FERRY3: variants seen among roughly 807,000 people sequenced by gnomAD.
FERRY3 encodes protein C12orf4.
At chr12:4,518,189 T>C in the FERRY3 span, 3 of 1,614,180 alleles carry the variant, frequency 1.9e-6, no homozygotes, top group African/African-American at 4.0e-5. Flanking sequence ...ATTTCTTTTA[T>C]GCTTACAGAA....
At chr12:4,500,104 A>G in the FERRY3 span, 1 of 1,557,334 alleles carries the variant, frequency 6.4e-7, no homozygotes, top group Non-Finnish European at 8.9e-7. Flanking sequence ...GATTATGTAA[A>G]TCATAAAATT....
chr12:4,491,968 T>C, the FERRY3 span, among the ~76,000 whole-genome samples: 1 of 152,228 alleles, frequency 6.6e-6, no homozygotes, highest in Non-Finnish European at 1.5e-5. Flanking sequence ...TAGTCCCAGC[T>C]ACTTGAGAGG....
the FERRY3 span, among the ~76,000 whole-genome samples, chr12:4,499,362 A>C: frequency 1.3e-5 from 2 of 152,176 alleles, no homozygotes; most frequent in African/African-American, 4.8e-5. Flanking sequence ...GTAGCCCTTC[A>C]TCACCAAGTT....
chr12:4,496,019 G>A, the FERRY3 span, among the ~76,000 whole-genome samples: 17 of 152,140 alleles, frequency 1.1e-4, no homozygotes, highest in East Asian at 9.6e-4. Context: ...ACTTAGCAGC[G>A]TATGACTCTA....
the FERRY3 span, among the ~76,000 whole-genome samples, chr12:4,502,717 G>A: frequency 1.3e-5 from 2 of 152,140 alleles, no homozygotes; most frequent in Non-Finnish European, 2.9e-5. This position sits in a 1 kb window ranked among gnomAD's most constrained non-coding sequence, Gnocchi z 4.2. Context: ...TTAGCCCTAT[G>A]GTTAACATTT....
chr12:4,531,586 C>T, the FERRY3 span, among the ~76,000 whole-genome samples: 62 of 152,278 alleles, frequency 4.1e-4, no homozygotes, highest in African/African-American at 1.4e-3. Context: ...GGGACTGGGA[C>T]GGCTGAGAGG....
the FERRY3 span, among the ~76,000 whole-genome samples, chr12:4,501,973 A>T: frequency 6.6e-6 from 1 of 152,128 alleles, no homozygotes; most frequent in Non-Finnish European, 1.5e-5. Context: ...CACTCCAGTT[A>T]CATATGCTTT....
the FERRY3 span, chr12:4,538,469 T>G: frequency 1.7e-5 from 3 of 178,622 alleles, no homozygotes; most frequent in African/African-American, 7.1e-5. Flanking sequence ...CGTCCTGCAC[T>G]GGGAAACCAG....
At chr12:4,533,128 C>T in the FERRY3 span, among the ~76,000 whole-genome samples, 1 of 152,182 alleles carries the variant, frequency 6.6e-6, no homozygotes, top group African/African-American at 2.4e-5. Flanking sequence ...TCTCAACTTC[C>T]TGCTACCAAA....
chr12:4,528,896 TACACACACACAC>T, the FERRY3 span, among the ~76,000 whole-genome samples: 64 of 131,614 alleles, frequency 4.9e-4, no homozygotes, highest in Middle Eastern at 3.6e-3. Flanking sequence ...TTAAATCAGT[TACACACACACAC>T]ACACACACAC....
At chr12:4,510,189 T>C in the FERRY3 span, among the ~76,000 whole-genome samples, 95 of 141,418 alleles carry the variant, frequency 6.7e-4, no homozygotes, top group Admixed American at 1.1e-3. Context: ...AAGGGAAGTT[T>C]AGAGAAAAAA....
At chr12:4,534,388 A>G in the FERRY3 span, 3 of 1,396,128 alleles carry the variant, frequency 2.1e-6, no homozygotes, top group South Asian at 1.4e-5. Context: ...TCCAATGTGA[A>G]ATCTTATTGT....
the FERRY3 span, among the ~76,000 whole-genome samples, chr12:4,526,070 CAG>C: frequency 2.0e-5 from 3 of 152,266 alleles, no homozygotes; most frequent in East Asian, 1.9e-4. Flanking sequence ...ATAAAATTTA[CAG>C]AGAGACGTAA....
chr12:4,521,991 C>T, the FERRY3 span, among the ~76,000 whole-genome samples: 5 of 152,268 alleles, frequency 3.3e-5, no homozygotes, highest in African/African-American at 4.8e-5. Context: ...AGCAGATACA[C>T]GTCCTATACA....
chr12:4,533,188 C>T, the FERRY3 span, among the ~76,000 whole-genome samples: 1 of 152,160 alleles, frequency 6.6e-6, no homozygotes, highest in African/African-American at 2.4e-5. Flanking sequence ...TTCTCTTTGG[C>T]TGTAAGTGGA....
the FERRY3 span, among the ~76,000 whole-genome samples, chr12:4,499,335 G>A: frequency 6.6e-6 from 1 of 152,124 alleles, no homozygotes; most frequent in Non-Finnish European, 1.5e-5. Context: ...AAATAAGCAG[G>A]CACAGAGTTG....
the FERRY3 span, chr12:4,530,111 C>T: frequency 1.5e-5 from 22 of 1,473,454 alleles, no homozygotes; most frequent in Non-Finnish European, 1.8e-5. Context: ...TAACACACTA[C>T]TAGAAAAGTA....
chr12:4,522,254 T>C, the FERRY3 span, among the ~76,000 whole-genome samples: 2 of 152,096 alleles, frequency 1.3e-5, no homozygotes, highest in African/African-American at 4.8e-5. Flanking sequence ...TGCACTTAAC[T>C]AAAATGAAAA....
the FERRY3 span, among the ~76,000 whole-genome samples, chr12:4,497,191 T>C: frequency 6.6e-6 from 1 of 152,268 alleles, no homozygotes; most frequent in South Asian, 2.1e-4. Flanking sequence ...CACAATAATA[T>C]ATAACAATAA....
Sources: allele counts gnomAD v4.1 joint callset (sites outside exome capture counted in the v4.1 genomes callset), GRCh38; gene constraint gnomAD v4.1.1; non-coding constraint Gnocchi (gnomAD v3.1); transcripts MANE v1.5; gene names NCBI Gene and HGNC (gene_info 2026-07-23, HGNC 2026-07-21).